The following MIEF2 variants were observed in gnomAD, a reference collection of about 807,000 sequenced individuals.
MIEF2 encodes the protein mitochondrial dynamics protein MID49.
In MIEF2, 1 loss-of-function variant was observed where a neutral mutation model predicts 7.4. That is an observed-to-expected ratio of 0.14 (90% CI 0.05 to 0.64). The LOEUF is 0.64. Ranked by LOEUF, MIEF2 falls within the 30% of genes least tolerant of loss-of-function variation. The pLI, the probability that MIEF2 is intolerant of heterozygous loss-of-function variation, is 0.85. For missense variants in MIEF2, 569 were observed against 623.9 expected (o/e 0.91, Z 0.94); for synonymous variants, 275 against 290.5 (o/e 0.95, Z 0.54).
Position 18,264,935 on chromosome 17 carries a change from C to T in MIEF2, c.*171C>T, listed in dbSNP as rs1978668719. 1 of 1,258,454 alleles carries T rather than the reference C, an allele frequency of 7.9e-7. No homozygotes were observed. 78.0% of individuals were successfully genotyped at this position (1,258,454 alleles called of 1,614,324 possible). ...GCTTGGGCTATGGTGGCCATAAACC[C>T]TGAGCCCAGAGAGCTTGGGTCACTG... On this transcript the variant is annotated 3_prime_UTR_variant, in exon 4 of 4. Coordinates refer to ENST00000323019, the MANE Select transcript of MIEF2 (RefSeq NM_139162.4).
chr17:18,263,486 C>T (rs1978541198), intron 3 of MIEF2: 1 of 833,906 alleles, frequency 1.2e-6, no homozygotes, highest in Non-Finnish European at 2.0e-6. Context: ...ACATACCTAC[C>T]TACTCTGCAT....
chr17:18,263,947 A>T lies in MIEF2; in HGVS notation c.548A>T (p.Tyr183Phe). The part of the protein sequence containing the change: ...FGAFVPGGPL[Y>F]DGLQAGAADH... ...GCATTCGTGCCTGGGGGGCCGCTCT[A>T]CGACGGGCTGCAGGCGGGGGCTGCG... The change falls in exon 4 of 4, where the codon TAC (tyrosine) becomes TTC (phenylalanine). Residue 183 changes from tyrosine to phenylalanine, a missense_variant. Coordinates refer to ENST00000323019, the MANE Select transcript of MIEF2 (RefSeq NM_139162.4). 6.3e-7 allele frequency: 1 copy of T among 1,591,046 alleles called. No homozygotes were observed.
At chr17:18,261,925 T>A (rs551315712) in intron 1 of MIEF2, among the ~76,000 whole-genome samples, 1 of 152,372 alleles carries the variant, frequency 6.6e-6, no homozygotes, top group East Asian at 1.9e-4. Flanking sequence ...CACATCTGCA[T>A]TGGCCTGCCT....
intron 1 of MIEF2, 96 bp downstream of exon 1, chr17:18,260,833 C>G: frequency 2.2e-6 from 1 of 449,770 alleles, no homozygotes. Flanking sequence ...CCGCGATCAC[C>G]GCTGGGGAAG....
intron 1 of MIEF2, 50 bp from the exon 2 acceptor site, chr17:18,262,664 G>C: frequency 6.6e-7 from 1 of 1,516,030 alleles, no homozygotes; most frequent in Non-Finnish European, 8.9e-7. Context: ...CCCTCTCCCA[G>C]CCTGGCCACC....
rs377238708 is a variant in MIEF2, at chr17:18,264,376, C to T, written c.977C>T (p.Ala326Val). The part of the protein sequence containing the change: ...LLLAWPLEGL[A>V]GNLWLQDLYP... The stretch of plus-strand genomic sequence containing the variant: ...TTGGCCTGGCCCCTGGAGGGGCTGG[C>T]GGGGAACCTCTGGCTGCAGGACCTG... Residue 326 changes from alanine (A) to valine (V), a missense_variant, in exon 4 of 4, where the codon GCG becomes GTG. Physicochemically the swap from Ala to Val is moderately conservative, Grantham distance 64. Coordinates refer to ENST00000323019, the MANE Select transcript of MIEF2 (RefSeq NM_139162.4). 23 of 1,602,438 alleles carry T rather than the reference C, an allele frequency of 1.4e-5. No homozygotes were observed. The highest frequency in any genetic ancestry group is 4.0e-5 in the African/African-American group (3 of 74,908).
chr17:18,263,861 C>A lies in MIEF2; in HGVS notation c.462C>A (p.Gly154=). Reference sequence around the variant, plus strand: ...TGGCTTTGGCCAAACAGCTGGCTGGCGACATCGCCCTGGAGCTGCAGGCCT... The same window carrying A: ...TGGCTTTGGCCAAACAGCTGGCTGGAGACATCGCCCTGGAGCTGCAGGCCT... ...AQVALAKQLA[G]DIALELQAYF... is the part of the protein sequence containing the mutation. The change falls in exon 4 of 4, where the codon GGC becomes GGA. Residue 154 remains glycine, a synonymous_variant. Coordinates refer to ENST00000323019, the MANE Select transcript of MIEF2 (RefSeq NM_139162.4). 1 of 1,605,170 alleles carries A rather than the reference C, an allele frequency of 6.2e-7. No homozygotes were observed. The highest frequency in any genetic ancestry group is 8.5e-7 in the Non-Finnish European group (1 of 1,179,952).
chr17:18,264,000 G>A lies in MIEF2; in HGVS notation c.601G>A (p.Val201Met), dbSNP rs1234694741. ...ADHVRLLVPL[V>M]LEPGLWSLVP... ...CCATGTGCGTCTCCTGGTGCCACTGGTGCTGGAGCCGGGCCTGTGGAGCCT... is the reference window on the plus strand; with the variant it reads ...CCATGTGCGTCTCCTGGTGCCACTGATGCTGGAGCCGGGCCTGTGGAGCCT... Residue 201 changes from valine to methionine, a missense_variant, in exon 4 of 4, where the codon GTG becomes ATG. By Grantham distance (21) the Val-to-Met change is conservative (BLOSUM62 1). Coordinates refer to ENST00000323019, the MANE Select transcript of MIEF2 (RefSeq NM_139162.4). 1 of 1,567,830 alleles carries A rather than the reference G, an allele frequency of 6.4e-7. No individual in the cohort carries two copies. The highest frequency in any genetic ancestry group is 1.7e-4 in the Middle Eastern group (1 of 5,868).
intron 1 of MIEF2, chr17:18,261,024 C>A: frequency 1.5e-6 from 2 of 1,364,750 alleles, no homozygotes; most frequent in South Asian, 1.3e-5. Context: ...GAAGGCCAAA[C>A]GGCCTCCAGG....
rs772404256 is a variant in MIEF2 at position 18,264,406 on chromosome 17, C to T, written c.1007C>T (p.Pro336Leu). The T allele has an allele frequency of 5.0e-6, 8 of 1,601,232 alleles. No homozygotes were observed. The highest frequency in any genetic ancestry group is 2.2e-5 in the South Asian group (2 of 91,066). The change falls in exon 4 of 4, where the codon CCA becomes CTA. Residue 336 changes from proline to leucine, a missense_variant. By Grantham distance (98) the Pro-to-Leu change is moderately conservative. Coordinates refer to ENST00000323019, the MANE Select transcript of MIEF2 (RefSeq NM_139162.4). Reference sequence around the variant, plus strand: ...AACCTCTGGCTGCAGGACCTGTATCCAGTGGAGGCTGCTAGGCTGCGAGCC... The same window carrying T: ...AACCTCTGGCTGCAGGACCTGTATCTAGTGGAGGCTGCTAGGCTGCGAGCC... ...AGNLWLQDLY[P>L]VEAARLRALD...
rs1325074283 is a variant in MIEF2 at position 18,263,230 on chromosome 17, C to T, written c.292C>T (p.Pro98Ser). Residue 98 changes from proline to serine, a missense_variant, in exon 3 of 4, where the codon CCC becomes TCC. By Grantham distance (74) the Pro-to-Ser change is moderately conservative (BLOSUM62 -1). Transcript: ENST00000323019. The stretch of plus-strand genomic sequence containing the variant: ...TAGCCAGCCAGTGTTGCCCTTGGCC[C>T]CCTCGTCGTCTGCCCCAGGTGAGTG... ...ALSQPVLPLA[P>S]SSSAPEGPAE... The T allele has an allele frequency of 6.2e-7, 1 of 1,613,868 alleles. No homozygotes were observed.
At position 18,264,796 on chromosome 17, in the gene MIEF2, T is replaced by C. The variant is rs1178984885; in HGVS notation, c.*32T>C. The C allele has an allele frequency of 4.4e-6, 7 of 1,580,602 alleles. No individual in the cohort carries two copies. Among genetic ancestry groups the C allele is most frequent in the Non-Finnish European group, 6.0e-6 (7 of 1,159,836 alleles). ...GGAAACGGGTGGTTGCCATGTTTTC[T>C]AATGCTGGGGAGCTGCACCCACCTC... On this transcript the variant is annotated 3_prime_UTR_variant, in exon 4 of 4. Coordinates refer to ENST00000323019, the MANE Select transcript of MIEF2 (RefSeq NM_139162.4).
Position 18,264,453 on chromosome 17 carries a change from A to G in MIEF2, c.1054A>G (p.Thr352Ala), listed in dbSNP as rs375239981. Residue 352 changes from threonine (T) to alanine (A), a missense_variant, in exon 4 of 4, where the codon ACT (threonine) becomes GCT (alanine). Thr to Ala is a moderately conservative substitution (Grantham distance 58). Transcript: ENST00000323019. ...LRALDDHDAG[T>A]RRRLLLLLCA... ...AGCCCTGGACGACCATGACGCTGGG[A>G]CTCGCCGGCGGCTGCTGCTGCTGCT... 423 of 1,602,178 alleles carry G rather than the reference A, an allele frequency of 2.6e-4. No homozygotes were observed. The highest frequency in any genetic ancestry group is 3.5e-4 in the Non-Finnish European group (408 of 1,179,800).
At position 18,264,834 on chromosome 17, in the gene MIEF2, T is replaced by C. The variant is rs886700039; in HGVS notation, c.*70T>C. 6 of 1,527,992 alleles carry C rather than the reference T, an allele frequency of 3.9e-6. No individual in the cohort carries two copies. The highest frequency in any genetic ancestry group is 2.1e-5 in the Admixed American group (1 of 47,078). The allele number at this position is 1,527,992 out of a possible 1,614,324, so 94.7% of individuals were successfully genotyped here. A position where few individuals can be genotyped will look rare whatever the true frequency, so the allele number is the denominator to read the frequency against. On this transcript the variant is annotated 3_prime_UTR_variant, in exon 4 of 4. Transcript: ENST00000323019. ...CTGCACCCACCTCCCTTCCAGGGATTTGAATAGTGGTTTTTCTCTAGCTTT... is the reference window on the plus strand; with the variant it reads ...CTGCACCCACCTCCCTTCCAGGGATCTGAATAGTGGTTTTTCTCTAGCTTT...
rs987177363 is a variant in MIEF2, at chr17:18,260,691, G to T, written c.-54G>T. 5 of 201,254 alleles carry T rather than the reference G, an allele frequency of 2.5e-5. No individual in the cohort carries two copies. Among genetic ancestry groups the T allele is most frequent in the Non-Finnish European group, 2.0e-5 (2 of 97,802 alleles). 12.5% of individuals were successfully genotyped at this position (201,254 alleles called of 1,614,324 possible). On this transcript the variant is annotated 5_prime_UTR_variant, in exon 1 of 4. Transcript: ENST00000323019. ...CCAGGCTGGTCTGAGCTCCGGGGCC[G>T]TGGTCCCGCTGCCTCCTCCGGTCGT...
In MIEF2 at chr17:18,264,271, A is replaced by G. The variant is rs759622218; in HGVS notation, c.872A>G (p.Glu291Gly). ...PSMASEELLL[E>G]VQHERLELTV... ...ATGGCCTCGGAGGAGCTGCTGCTCG[A>G]GGTGCAGCACGAACGCCTGGAGCTC... is the stretch of plus-strand genomic sequence containing the variant. Residue 291 changes from glutamate (E) to glycine (G), a missense_variant, in exon 4 of 4, where the codon GAG becomes GGG. Coordinates refer to ENST00000323019, the MANE Select transcript of MIEF2 (RefSeq NM_139162.4). 3.7e-6 allele frequency: 6 copies of G among 1,606,096 alleles called. No individual in the cohort carries two copies. Among genetic ancestry groups the G allele is most frequent in the Non-Finnish European group, 5.1e-6 (6 of 1,179,834 alleles).
chr17:18,264,816 C>T lies in MIEF2; in HGVS notation c.*52C>T. ...TTTTCTAATGCTGGGGAGCTGCACC[C>T]ACCTCCCTTCCAGGGATTTGAATAG... is the stretch of plus-strand genomic sequence containing the variant. On this transcript the variant is annotated 3_prime_UTR_variant, in exon 4 of 4. Transcript: ENST00000323019. 3.2e-6 allele frequency: 5 copies of T among 1,557,610 alleles called. No homozygotes were observed. Among genetic ancestry groups the T allele is most frequent in the Non-Finnish European group, 3.5e-6 (4 of 1,149,874 alleles).
In MIEF2 at chr17:18,264,244, G is replaced by T; in HGVS notation, c.845G>T (p.Ser282Ile). The T allele has an allele frequency of 1.2e-6, 2 of 1,604,534 alleles. No homozygotes were observed. The part of the protein sequence containing the change: ...GSLLGCLIRP[S>I]MASEELLLEV... The stretch of plus-strand genomic sequence containing the variant: ...CTTCTCGGGTGCCTGATCCGGCCCA[G>T]CATGGCCTCGGAGGAGCTGCTGCTC... The change falls in exon 4 of 4, where the codon AGC becomes ATC. Residue 282 changes from serine (S) to isoleucine (I), a missense_variant. Transcript: ENST00000323019.
Position 18,264,756 on chromosome 17 carries a change from C to T in MIEF2, c.1357C>T (p.Leu453=), listed in dbSNP as rs776347413. The change falls in exon 4 of 4, where the codon CTG becomes TTG. Residue 453 remains leucine (L), a synonymous_variant. Transcript: ENST00000323019. ...CAGTGGCCTACAGGAGCCCGAGGGG[C>T]TGCTCTAGGTGGGTGGAAACGGGTG... The part of the protein sequence containing the change: ...LYSGLQEPEG[L]L The T allele has an allele frequency of 5.0e-6, 8 of 1,605,892 alleles. No homozygotes were observed. In the Admixed American group the frequency reaches 1.3e-4, roughly 27 times the overall value.
Sources: allele counts gnomAD v4.1 joint callset (sites outside exome capture counted in the v4.1 genomes callset), GRCh38; gene constraint gnomAD v4.1.1; transcripts MANE v1.5; gene names NCBI Gene and HGNC (gene_info 2026-07-23, HGNC 2026-07-21).